Variants in HNRNPR observed in about 807,000 individuals in gnomAD.
HNRNPR encodes the protein heterogeneous nuclear ribonucleoprotein R.
HNRNPR carries 4 observed loss-of-function variants against 70.3 expected under a neutral mutation model. That is an observed-to-expected ratio of 0.06 (90% CI 0.03 to 0.13). The LOEUF (loss-of-function observed/expected upper bound fraction) is 0.13, where lower values mean the gene tolerates loss of function less well. Ranked by LOEUF, HNRNPR falls within the 10% of genes least tolerant of loss-of-function variation. The pLI is 1.00. For missense variants in HNRNPR, 423 were observed against 788.5 expected (o/e 0.54, Z 5.55); for synonymous variants, 241 against 267.6 (o/e 0.90, Z 0.97).
At position 23,323,805 on chromosome 1, in the gene HNRNPR, T is replaced by C. The variant is rs1645850645; in HGVS notation, c.499-73A>G. On this transcript the variant is annotated intron_variant, in intron 5 of 10. Coordinates refer to ENST00000302271, the MANE Select transcript of HNRNPR (RefSeq NM_005826.5). The stretch of plus-strand genomic sequence containing the variant: ...AGAGCCATAAAGCCTACTGCCTTTT[T>C]TTTTTAAAGATGGGGGCAGAAGAAG... 5 of 1,223,982 alleles carry C rather than the reference T, an allele frequency of 4.1e-6. No individual in the cohort carries two copies. The South Asian group carries it at 5.2e-5, about 13-fold the overall frequency. 75.8% of individuals were successfully genotyped at this position (1,223,982 alleles called of 1,614,324 possible).
rs183334101 is a variant in HNRNPR, at chr1:23,333,605, A to C, written c.411T>G (p.Thr137=). The C allele has an allele frequency of 6.2e-7, 1 of 1,611,518 alleles. No homozygotes were observed. Among genetic ancestry groups the C allele is most frequent in the South Asian group, 1.1e-5 (1 of 91,032 alleles). Residue 137 remains threonine, a synonymous_variant, in exon 5 of 11, where the codon ACT becomes ACG. Transcript: ENST00000302271. ...IKALLERTGY[T]LDVTTGQRKY... ...TCCTCTGTCCTGTGGTTACATCCAGAGTATAACCAGTTCTCTCAAGCAAGG... is the reference window on the plus strand; with the variant it reads ...TCCTCTGTCCTGTGGTTACATCCAGCGTATAACCAGTTCTCTCAAGCAAGG...
At chr1:23,324,895 C>G (rs1472294029) in intron 5 of HNRNPR, among the ~76,000 whole-genome samples, 1 of 151,818 alleles carries the variant, frequency 6.6e-6, no homozygotes, top group African/African-American at 2.4e-5. Flanking sequence ...AATCCCAGCA[C>G]TTTGGGAGGC....
rs11345105 is a variant in HNRNPR, at chr1:23,327,995, C to CAA, written c.499-4265_499-4264dup. On this transcript the variant is annotated intron_variant, in intron 5 of 10. Coordinates refer to ENST00000302271, the MANE Select transcript of HNRNPR (RefSeq NM_005826.5). ...TGAGAAACACAGCAAGACTCTGTCTCAAAAAAAAAAAAAAAAAAGAAAAGA... is the reference window on the plus strand; with the variant it reads ...TGAGAAACACAGCAAGACTCTGTCTCAAAAAAAAAAAAAAAAAAAAGAAAAGA... Among the ~76,000 whole-genome samples, 674 of 118,302 alleles carry CAA rather than the reference C, an allele frequency of 5.7e-3. 6 individuals are homozygous for CAA. The highest frequency in any genetic ancestry group is 0.018 in the East Asian group (75 of 4,092). 77.6% of individuals were successfully genotyped at this position (118,302 alleles called of 152,430 possible). A position where few individuals can be genotyped will look rare whatever the true frequency, so the allele number is the denominator to read the frequency against.
At position 23,340,913 on chromosome 1, in the gene HNRNPR, T is replaced by G; in HGVS notation, c.96A>C (p.Thr32=). Residue 32 remains threonine (T), a synonymous_variant, in exon 2 of 11, where the codon ACA becomes ACC. Coordinates refer to ENST00000302271, the MANE Select transcript of HNRNPR (RefSeq NM_005826.5). ...SSVTHTEHYK[T]LIEAGLPQKV... is the part of the protein sequence containing the mutation. ...TCTGTGGGAGGCCTGCCTCTATCAG[T>G]GTCTTGTAGTGTTCTGTGTGAGTTA... 6.2e-7 allele frequency: 1 copy of G among 1,612,744 alleles called. No individual in the cohort carries two copies. The highest frequency in any genetic ancestry group is 1.1e-5 in the South Asian group (1 of 90,866).
chr1:23,338,882 C>T (rs1312748248), intron 2 of HNRNPR, among the ~76,000 whole-genome samples: 1 of 152,190 alleles, frequency 6.6e-6, no homozygotes, highest in Admixed American at 6.5e-5. Flanking sequence ...ATTTCCCACT[C>T]CCCCAAAGGT....
At chr1:23,341,434 ATC>A (rs759795244) in intron 1 of HNRNPR, among the ~76,000 whole-genome samples, 7 of 152,178 alleles carry the variant, frequency 4.6e-5, no homozygotes, top group Non-Finnish European at 8.8e-5. Context: ...AGACCACTTA[ATC>A]AAGATTTAAG....
At position 23,321,577 on chromosome 1, in the gene HNRNPR, C is replaced by T. The variant is rs141121420; in HGVS notation, c.762G>A (p.Pro254=). The T allele has an allele frequency of 2.7e-4, 441 of 1,613,568 alleles. 2 individuals are homozygous for T. In the East Asian group the frequency reaches 7.0e-3, roughly 26 times the overall value. ...AAATGTTTTCTTTAGTCTTATTCTT[C>T]GGAATGGATCCAACAAAAAGTCTGT... The part of the protein sequence containing the change: ...ANNRLFVGSI[P]KNKTKENILE... Residue 254 remains proline (P), a synonymous_variant, in exon 7 of 11, where the codon CCG becomes CCA. Transcript: ENST00000302271.
chr1:23,320,760 TAAATA>T (rs765284428), intron 7 of HNRNPR, among the ~76,000 whole-genome samples: 10 of 152,266 alleles, frequency 6.6e-5, no homozygotes, highest in East Asian at 1.9e-4. Context: ...TCATGTATAA[TAAATA>T]AAAGTACAGT....
chr1:23,333,435 C>T lies in HNRNPR; in HGVS notation c.498+83G>A, dbSNP rs554372995. ...CACTTTGAAAGGGATCAAGAATTTT[C>T]CCCCGTCTGTACAGTATCTGCATAG... On this transcript the variant is annotated intron_variant, in intron 5 of 10. Coordinates refer to ENST00000302271, the MANE Select transcript of HNRNPR (RefSeq NM_005826.5). The T allele has an allele frequency of 7.7e-4, 571 of 742,804 alleles. 7 individuals are homozygous for T. Among genetic ancestry groups the T allele is most frequent in the South Asian group, 6.5e-3 (388 of 59,540 alleles). 46.0% of individuals were successfully genotyped at this position (742,804 alleles called of 1,614,324 possible). A position where few individuals can be genotyped will look rare whatever the true frequency, so the allele number is the denominator to read the frequency against.
intron 4 of HNRNPR, among the ~76,000 whole-genome samples, chr1:23,336,813 G>A (rs951129545): frequency 1.3e-5 from 2 of 150,788 alleles, no homozygotes; most frequent in Non-Finnish European, 3.0e-5. Flanking sequence ...AGCAAGACAC[G>A]AGTATCCATT....
chr1:23,329,940 T>C (rs1056666961), intron 5 of HNRNPR, among the ~76,000 whole-genome samples: 5 of 152,180 alleles, frequency 3.3e-5, no homozygotes, highest in Admixed American at 6.5e-5. Context: ...CAACAGAGTC[T>C]TTTGGGTATC....
Position 23,338,565 on chromosome 1 carries a change from A to G in HNRNPR, c.201T>C (p.Ala67=). The change falls in exon 3 of 11, where the codon GCT becomes GCC. Residue 67 remains alanine, a synonymous_variant. Coordinates refer to ENST00000302271, the MANE Select transcript of HNRNPR (RefSeq NM_005826.5). ...CTCCTTCTTCATTAAATTCCCTGAGAGCATCAATTGCTCTTTCATCAAGAT... is the reference window on the plus strand; with the variant it reads ...CTCCTTCTTCATTAAATTCCCTGAGGGCATCAATTGCTCTTTCATCAAGAT... ...YVDLDERAID[A]LREFNEEGAL... The G allele has an allele frequency of 1.2e-6, 2 of 1,600,920 alleles. No homozygotes were observed. Among genetic ancestry groups the G allele is most frequent in the Non-Finnish European group, 1.7e-6 (2 of 1,173,568 alleles).
At chr1:23,336,719 T>C (rs937994014) in intron 4 of HNRNPR, among the ~76,000 whole-genome samples, 3 of 136,110 alleles carry the variant, frequency 2.2e-5, no homozygotes, top group African/African-American at 3.1e-5. Flanking sequence ...GAGATGGCGC[T>C]ACTGCACTCC....
chr1:23,316,849 C>G (rs1645565376), intron 8 of HNRNPR, among the ~76,000 whole-genome samples: 1 of 151,998 alleles, frequency 6.6e-6, no homozygotes, highest in African/African-American at 2.4e-5. Flanking sequence ...TCCTAGACAC[C>G]CATCTACTCA....
chr1:23,321,504 T>A (rs2148374536), intron 7 of HNRNPR, 24 bp downstream of exon 7: 1 of 1,605,330 alleles, frequency 6.2e-7, no homozygotes, highest in East Asian at 2.2e-5. Flanking sequence ...GCAAAAGTAA[T>A]TTCTAAATAC....
chr1:23,308,917 A>G lies in HNRNPR; in HGVS notation c.*1537T>C, dbSNP rs1645246638. 1 of 152,096 alleles carries G rather than the reference A, an allele frequency of 6.6e-6. No homozygotes were observed. The allele number at this position is 152,096 out of a possible 1,614,324, so 9.4% of individuals were successfully genotyped here. ...TTCCCCAATGGCTTCTGATATTTTTATCATTATAAAAACATTTGAGAACCA... is the reference window on the plus strand; with the variant it reads ...TTCCCCAATGGCTTCTGATATTTTTGTCATTATAAAAACATTTGAGAACCA... On this transcript the variant is annotated 3_prime_UTR_variant, in exon 11 of 11. Transcript: ENST00000302271.
chr1:23,335,560 G>A (rs533812888), intron 4 of HNRNPR, among the ~76,000 whole-genome samples: 5 of 152,310 alleles, frequency 3.3e-5, no homozygotes, highest in East Asian at 1.9e-4. Context: ...ATCAGCAGCC[G>A]CATTAGGTTC....
At chr1:23,336,812 C>T (rs1276136729) in intron 4 of HNRNPR, among the ~76,000 whole-genome samples, 2 of 150,784 alleles carry the variant, frequency 1.3e-5, no homozygotes, top group African/African-American at 2.4e-5. Context: ...CAGCAAGACA[C>T]GAGTATCCAT....
chr1:23,318,448 A>C lies in HNRNPR; in HGVS notation c.1017+35T>G. On this transcript the variant is annotated intron_variant, in intron 8 of 10. Coordinates refer to ENST00000302271, the MANE Select transcript of HNRNPR (RefSeq NM_005826.5). This position sits in a 1 kb window ranked among gnomAD's most constrained non-coding sequence, Gnocchi z 4.2. The stretch of plus-strand genomic sequence containing the variant: ...TTATTCTGAGTACAAAATTTAAATG[A>C]TGACCCTATGCCCATTCCAAGCAAC... 6.6e-7 allele frequency: 1 copy of C among 1,511,134 alleles called. No homozygotes were observed. The highest frequency in any genetic ancestry group is 1.7e-5 in the Admixed American group (1 of 58,678). The allele number at this position is 1,511,134 out of a possible 1,614,324, so 93.6% of individuals were successfully genotyped here.
Sources: allele counts gnomAD v4.1 joint callset (sites outside exome capture counted in the v4.1 genomes callset), GRCh38; gene constraint gnomAD v4.1.1; non-coding constraint Gnocchi (gnomAD v3.1); transcripts MANE v1.5; gene names NCBI Gene and HGNC (gene_info 2026-07-23, HGNC 2026-07-21).